Variants in HTR2C observed in about 807,000 individuals in gnomAD.
HTR2C encodes the protein 5-hydroxytryptamine (serotonin) receptor 2C, G protein-coupled.
HTR2C carries 5 observed loss-of-function variants against 21.0 expected under a neutral mutation model. The observed-to-expected ratio is 0.24, with a 90% CI of 0.12 to 0.50. The LOEUF is 0.50. Ranked by LOEUF, HTR2C falls within the 20% of genes least tolerant of loss-of-function variation. HTR2C has a pLI of 0.98. For missense variants in HTR2C, 271 were observed against 371.2 expected, an observed-to-expected ratio of 0.73 and a Z score of 2.22; for synonymous variants, 150 against 145.3, an observed-to-expected ratio of 1.03 and a Z score of -0.23.
chrX:114,724,087 C>T (rs1453007577), intron 2 of HTR2C, among the ~76,000 whole-genome samples: 10 of 105,585 alleles, frequency 9.5e-5, no homozygotes, highest in African/African-American at 3.1e-4. Context: ...CTTTCTGTCT[C>T]GTTGATATGT....
intron 2 of HTR2C, among the ~76,000 whole-genome samples, chrX:114,725,693 G>C (rs1375628224): frequency 1.8e-5 from 2 of 110,346 alleles, no homozygotes; most frequent in African/African-American, 6.6e-5. Context: ...ATGGGTTTTT[G>C]GTGTGGATGT....
At chrX:114,620,296 G>A (rs969331663) in intron 2 of HTR2C, among the ~76,000 whole-genome samples, 2 of 112,147 alleles carry the variant, frequency 1.8e-5, no homozygotes, top group African/African-American at 6.5e-5. Context: ...TTTTGAATAA[G>A]TTTCACTTGC....
chrX:114,658,049 GA>G (rs1198931136), intron 2 of HTR2C, among the ~76,000 whole-genome samples: 1 of 63,881 alleles, frequency 1.6e-5, no homozygotes, highest in African/African-American at 5.2e-5. Flanking sequence ...TTTAGAGGAA[GA>G]GTAAAACAAT....
intron 2 of HTR2C, among the ~76,000 whole-genome samples, chrX:114,623,862 A>T (rs981288149): frequency 5.6e-5 from 6 of 107,225 alleles, no homozygotes; most frequent in Non-Finnish European, 9.6e-5. Flanking sequence ...AATAGTCTAA[A>T]CCATTGGTGT....
At chrX:114,668,272 C>G (rs1235779808) in intron 2 of HTR2C, among the ~76,000 whole-genome samples, 1 of 111,510 alleles carries the variant, frequency 9.0e-6, no homozygotes, top group African/African-American at 3.3e-5. Context: ...CTGATCTGTT[C>G]TCCTTTTAGC....
In HTR2C at chrX:114,833,153, A is replaced by G. The variant is rs781815717; in HGVS notation, c.350-14850A>G. ...CAATGTTCATCAAGGATATTGGTCT[A>G]AAATTCTCCTTTTTGGTTGTGTCTC... On this transcript the variant is annotated intron_variant, in intron 4 of 5. Transcript: ENST00000276198. Among the ~76,000 whole-genome samples, 5 of 97,074 alleles carry G rather than the reference A, an allele frequency of 5.2e-5. No individual in the cohort carries two copies. The East Asian group carries it at 1.4e-3, about 27-fold the overall frequency. The allele number at this position is 97,074 out of a possible 115,157, so 84.3% of individuals were successfully genotyped here.
At chrX:114,695,256 G>A (rs1041076940) in intron 2 of HTR2C, among the ~76,000 whole-genome samples, 1 of 112,245 alleles carries the variant, frequency 8.9e-6, no homozygotes, top group Non-Finnish European at 1.9e-5. Context: ...CCCAATGATT[G>A]TATGATATGG....
intron 5 of HTR2C, among the ~76,000 whole-genome samples, chrX:114,859,436 G>A (rs1328012791): frequency 1.8e-5 from 2 of 110,602 alleles, no homozygotes; most frequent in Non-Finnish European, 3.8e-5. Flanking sequence ...GTGTGTGTTA[G>A]TTTTGGTAAA....
At chrX:114,830,807 T>C (rs1445109289) in intron 4 of HTR2C, among the ~76,000 whole-genome samples, 1 of 89,606 alleles carries the variant, frequency 1.1e-5, no homozygotes, top group Non-Finnish European at 2.2e-5. Context: ...TAACTCATCA[T>C]CTAGCATTAG....
chrX:114,864,757 GTAA>G (rs2071032098), intron 5 of HTR2C, among the ~76,000 whole-genome samples: 1 of 111,325 alleles, frequency 9.0e-6, no homozygotes, highest in African/African-American at 3.3e-5. Flanking sequence ...AGGTTTCATG[GTAA>G]TAAATTCCCT....
chrX:114,796,644 AT>A (rs782056005), intron 4 of HTR2C, among the ~76,000 whole-genome samples: 1 of 111,744 alleles, frequency 8.9e-6, no homozygotes, highest in Non-Finnish European at 1.9e-5. Flanking sequence ...GGGCCATCTA[AT>A]AAATTTCTCA....
At position 114,826,765 on chromosome X, in the gene HTR2C, A is replaced by G. The variant is rs782796070; in HGVS notation, c.350-21238A>G. Among the ~76,000 whole-genome samples the G allele has an allele frequency of 1.5e-3, 169 of 110,944 alleles. 1 individual carries two copies. The highest frequency in any genetic ancestry group is 2.6e-3 in the Non-Finnish European group (137 of 52,910). On this transcript the variant is annotated intron_variant, in intron 4 of 5. Coordinates refer to ENST00000276198, the MANE Select transcript of HTR2C (RefSeq NM_000868.4). ...TTCTCAATTTTAATCCAAAATCGCT[A>G]TCTCTTTCCTTGAATTGGTGTGTTT... is the stretch of plus-strand genomic sequence containing the variant.
In HTR2C at chrX:114,908,899, T is replaced by G. The variant is rs781922844; in HGVS notation, c.*1484T>G. On this transcript the variant is annotated 3_prime_UTR_variant, in exon 6 of 6. Transcript: ENST00000276198. ...TAACAGTATTTCCATACGTGCCCAT[T>G]TCACACAACTGTGGATAAATTTTGG... 2 of 112,739 alleles carry G rather than the reference T, an allele frequency of 1.8e-5. No homozygotes were observed. Among genetic ancestry groups the G allele is most frequent in the Admixed American group, 1.9e-4 (2 of 10,612 alleles). 9.3% of individuals were successfully genotyped at this position (112,739 alleles called of 1,213,427 possible).
intron 1 of HTR2C, among the ~76,000 whole-genome samples, chrX:114,611,698 TAG>T (rs1475463654): frequency 6.3e-5 from 7 of 111,513 alleles, no homozygotes; most frequent in Admixed American, 9.5e-5. Flanking sequence ...TGGTTTTTTT[TAG>T]TTTTTTTCTT....
At chrX:114,606,438 A>G (rs1341866420) in intron 1 of HTR2C, among the ~76,000 whole-genome samples, 6 of 111,731 alleles carry the variant, frequency 5.4e-5, no homozygotes, top group Admixed American at 9.4e-5. Flanking sequence ...CGTCCCTGCA[A>G]CGATTAAACA....
At chrX:114,808,555 G>T (rs1226553260) in intron 4 of HTR2C, among the ~76,000 whole-genome samples, 2 of 111,346 alleles carry the variant, frequency 1.8e-5, no homozygotes, top group African/African-American at 6.5e-5. Context: ...TGTTCCCATA[G>T]TGGTTATATT....
At chrX:114,780,361 G>A (rs1556440235) in intron 4 of HTR2C, among the ~76,000 whole-genome samples, 1 of 111,379 alleles carries the variant, frequency 9.0e-6, no homozygotes, top group African/African-American at 3.3e-5. Flanking sequence ...TATGAAGGAT[G>A]GAACCCAGAT....
chrX:114,731,251 A>T (rs782046956), intron 3 of HTR2C, 43 bp from the exon 4 acceptor site: 15 of 975,587 alleles, frequency 1.5e-5, no homozygotes, highest in Non-Finnish European at 2.1e-5. Flanking sequence ...TGTATAAGTA[A>T]TATAATATGT....
intron 2 of HTR2C, among the ~76,000 whole-genome samples, chrX:114,722,793 T>C (rs1933277073): frequency 9.3e-6 from 1 of 108,037 alleles, no homozygotes; most frequent in Non-Finnish European, 1.9e-5. Context: ...TTGTCTTTGG[T>C]TCTGTTTATA....
Sources: allele counts gnomAD v4.1 joint callset (sites outside exome capture counted in the v4.1 genomes callset), GRCh38; gene constraint gnomAD v4.1.1; transcripts MANE v1.5; gene names NCBI Gene and HGNC (gene_info 2026-07-23, HGNC 2026-07-21).